Variants in NKX2-1 observed in about 807,000 individuals in gnomAD.
NKX2-1 encodes NK2 homeobox 1, also known as homeobox protein Nkx-2.1.
NKX2-1 carries 9 observed loss-of-function variants against 35.1 expected under a neutral mutation model. The ratio of observed to expected loss-of-function variants is 0.26; its 90% confidence interval spans 0.15 to 0.45. The LOEUF (loss-of-function observed/expected upper bound fraction) is 0.45, where lower values mean the gene tolerates loss of function less well. Among genes scored for constraint, NKX2-1 ranks in the 20% least tolerant of loss-of-function variants. The pLI is 1.00. For missense variants in NKX2-1, 509 were observed against 589.1 expected, an observed-to-expected ratio of 0.86 and a Z score of 1.41; for synonymous variants, 284 against 269.9, an observed-to-expected ratio of 1.05 and a Z score of -0.51.
Position 36,517,594 on chromosome 14 carries a change from C to T in NKX2-1, c.890G>A (p.Gly297Asp), listed in dbSNP as rs866144511. ...RVAVPVLVKD[G>D]KPCQAGAPAP... The stretch of plus-strand genomic sequence containing the variant: ...GGGGGCACCCGCCTGGCACGGTTTG[C>T]CGTCTTTCACCAGGACCGGCACCGC... Residue 297 changes from glycine (G) to aspartate (D), a missense_variant, in exon 3 of 3, where the codon GGC becomes GAC. Physicochemically the swap from Gly to Asp is moderately conservative, Grantham distance 94. This residue lies in a region of NKX2-1 where 212 missense variants were observed against 227.7 expected (regional missense o/e 0.93). Transcript: ENST00000354822. 1 of 1,523,656 alleles carries T rather than the reference C, an allele frequency of 6.6e-7. No individual in the cohort carries two copies. The highest frequency in any genetic ancestry group is 8.8e-7 in the Non-Finnish European group (1 of 1,140,398). The allele number at this position is 1,523,656 out of a possible 1,614,324, so 94.4% of individuals were successfully genotyped here. A position where few individuals can be genotyped will look rare whatever the true frequency, so the allele number is the denominator to read the frequency against.
chr14:36,519,863 G>A (rs1176009968), intron 1 of NKX2-1, among the ~76,000 whole-genome samples, 190 bp downstream of exon 1: 1 of 152,166 alleles, frequency 6.6e-6, no homozygotes, highest in Admixed American at 6.5e-5. Context: ...AACCGAGAGC[G>A]GGGAGGGCAG....
rs754318871 is a variant in NKX2-1 at position 36,517,471 on chromosome 14, C to T, written c.1013G>A (p.Ser338Asn). Residue 338 changes from serine to asparagine, a missense_variant, in exon 3 of 3, where the codon AGC becomes AAC. By Grantham distance (46) the Ser-to-Asn change is conservative. Around this residue, in one of 5 missense-constraint regions of NKX2-1, gnomAD observed 212 missense variants for 227.7 expected, o/e 0.93. Transcript: ENST00000354822. Reference protein sequence around the residue: ...QAAAAAISVGSGGAGLGAHPG... With the variant: ...QAAAAAISVGNGGAGLGAHPG... Reference sequence around the variant, plus strand: ...GTGTGCGCCAAGGCCGGCGCCACCGCTGCCCACGGAGATGGCCGCTGCCGC... The same window carrying T: ...GTGTGCGCCAAGGCCGGCGCCACCGTTGCCCACGGAGATGGCCGCTGCCGC... 3 of 1,403,582 alleles carry T rather than the reference C, an allele frequency of 2.1e-6. No homozygotes were observed. Among genetic ancestry groups the T allele is most frequent in the South Asian group, 1.7e-5 (1 of 60,038 alleles). 86.9% of individuals were successfully genotyped at this position (1,403,582 alleles called of 1,614,324 possible).
In NKX2-1 at chr14:36,517,390, G is replaced by A. The variant is rs556880296; in HGVS notation, c.1094C>T (p.Ala365Val). The A allele has an allele frequency of 2.5e-6, 4 of 1,599,324 alleles. No individual in the cohort carries two copies. The South Asian group carries it at 4.5e-5, about 18-fold the overall frequency. ...GQSPDLAHHAASPAALQGQVS... is the reference protein window; with the variant it reads ...GQSPDLAHHAVSPAALQGQVS... Reference sequence around the variant, plus strand: ...CTGGCCCTGCAGCGCCGCGGGGCTGGCGGCGTGGTGCGCCAGGTCCGGAGA... The same window carrying A: ...CTGGCCCTGCAGCGCCGCGGGGCTGACGGCGTGGTGCGCCAGGTCCGGAGA... The change falls in exon 3 of 3, where the codon GCC (alanine) becomes GTC (valine). Residue 365 changes from alanine (A) to valine (V), a missense_variant. This residue lies in a region of NKX2-1 where 212 missense variants were observed against 227.7 expected (regional missense o/e 0.93). Coordinates refer to ENST00000354822, the MANE Select transcript of NKX2-1 (RefSeq NM_001079668.3).
intron 1 of NKX2-1, chr14:36,519,845 G>A (rs1881265770): frequency 3.9e-6 from 3 of 768,092 alleles, no homozygotes; most frequent in Admixed American, 1.3e-4. Context: ...GGAGGGGAAG[G>A]AGGAGGGAAC....
At chr14:36,519,952 C>A in intron 1 of NKX2-1, 101 bp downstream of exon 1, 1 of 1,544,402 alleles carries the variant, frequency 6.5e-7, no homozygotes, top group South Asian at 1.2e-5. Context: ...AACCAACTTG[C>A]GGAGTTACAA....
chr14:36,519,121 C>A lies in NKX2-1; in HGVS notation c.327G>T (p.Ser109=). ...HMTAAGVPQL[S]HSAVGGYCNG... is the part of the protein sequence containing the mutation. ...TGCAGTAGCCCCCCACGGCGGAGTG[C>A]GAGAGCTGGGGCACCCCCGCCGCCG... Residue 109 remains serine (S), a synonymous_variant, in exon 2 of 3, where the codon TCG becomes TCT. Transcript: ENST00000354822. 1.2e-6 allele frequency: 2 copies of A among 1,605,954 alleles called. No individual in the cohort carries two copies. The highest frequency in any genetic ancestry group is 1.7e-6 in the Non-Finnish European group (2 of 1,179,170).
intron 1 of NKX2-1, among the ~76,000 whole-genome samples, 167 bp downstream of exon 1, chr14:36,519,886 G>A (rs187816600): frequency 5.6e-4 from 86 of 152,274 alleles, no homozygotes; most frequent in African/African-American, 1.6e-3. Context: ...GGTGGGGTGG[G>A]GGAGTAACAG....
Position 36,517,488 on chromosome 14 carries a change from C to G in NKX2-1, c.996G>C (p.Ala332=), listed in dbSNP as rs1170518090. 7 of 1,353,570 alleles carry G rather than the reference C, an allele frequency of 5.2e-6. No individual in the cohort carries two copies. The highest frequency in any genetic ancestry group is 2.7e-4 in the Middle Eastern group (1 of 3,682). The allele number at this position is 1,353,570 out of a possible 1,614,324, so 83.8% of individuals were successfully genotyped here. Residue 332 remains alanine, a synonymous_variant, in exon 3 of 3, where the codon GCG becomes GCC. Transcript: ENST00000354822. ...CGCCACCGCTGCCCACGGAGATGGC[C>G]GCTGCCGCCGCCTGCGCGGCCTGCG... ...HQAQAAQAAA[A]AISVGSGGAG...
chr14:36,517,160 C>T lies in NKX2-1; in HGVS notation c.*118G>A. 1 of 1,485,708 alleles carries T rather than the reference C, an allele frequency of 6.7e-7. No homozygotes were observed. The highest frequency in any genetic ancestry group is 9.0e-7 in the Non-Finnish European group (1 of 1,112,888). The allele number at this position is 1,485,708 out of a possible 1,614,324, so 92.0% of individuals were successfully genotyped here. A position where few individuals can be genotyped will look rare whatever the true frequency, so the allele number is the denominator to read the frequency against. On this transcript the variant is annotated 3_prime_UTR_variant, in exon 3 of 3. Coordinates refer to ENST00000354822, the MANE Select transcript of NKX2-1 (RefSeq NM_001079668.3). ...GTTTTTTTGTTCCTTGGTCTAAACG[C>T]GGCCAGGTTGTTAAGAAAAGTCGAA...
intron 1 of NKX2-1, among the ~76,000 whole-genome samples, 175 bp downstream of exon 1, chr14:36,519,878 T>G: frequency 1.4e-5 from 2 of 145,260 alleles, no homozygotes; most frequent in African/African-American, 2.6e-5. Context: ...GGGCAGGAGG[T>G]GGGGTGGGGG....
At chr14:36,519,702 T>C (rs1452620370) in intron 1 of NKX2-1, 2 of 1,506,032 alleles carry the variant, frequency 1.3e-6, no homozygotes, top group African/African-American at 1.4e-5. Flanking sequence ...AAGTTTCACT[T>C]GTCAGGATTT....
At chr14:36,518,947 C>A (rs764981652) in intron 2 of NKX2-1, 38 bp downstream of exon 2, 1 of 1,513,144 alleles carries the variant, frequency 6.6e-7, no homozygotes, top group Non-Finnish European at 8.8e-7. Flanking sequence ...ACCTCCTGAG[C>A]TCAGCCCGCG....
rs1271885366 is a variant in NKX2-1, at chr14:36,519,232, C to T, written c.216G>A (p.Arg72=). The T allele has an allele frequency of 6.2e-7, 1 of 1,608,438 alleles. No individual in the cohort carries two copies. Among genetic ancestry groups the T allele is most frequent in the Non-Finnish European group, 8.5e-7 (1 of 1,177,870 alleles). ...CTGTTGGCGGTGCCGCCTGGCCCTG[C>T]CTGTACGCCGCCAGCGGAGCCCCGA... The part of the protein sequence containing the change: ...GGLGAPLAAY[R]QGQAAPPTAA... Residue 72 remains arginine, a synonymous_variant, in exon 2 of 3, where the codon AGG becomes AGA. Transcript: ENST00000354822.
rs956667809 is a variant in NKX2-1 at position 36,517,212 on chromosome 14, T to A, written c.*66A>T. 33 of 1,563,882 alleles carry A rather than the reference T, an allele frequency of 2.1e-5. No homozygotes were observed. In the African/African-American group the frequency reaches 3.2e-4, roughly 15 times the overall value. Reference sequence around the variant, plus strand: ...CGCGTGGAGCAGCGGTGGATGGTGGTCTGTGTGGCGGGCAGGAGGGAAGCG... The same window carrying A: ...CGCGTGGAGCAGCGGTGGATGGTGGACTGTGTGGCGGGCAGGAGGGAAGCG... On this transcript the variant is annotated 3_prime_UTR_variant, in exon 3 of 3. Coordinates refer to ENST00000354822, the MANE Select transcript of NKX2-1 (RefSeq NM_001079668.3).
In NKX2-1 at chr14:36,520,154, G is replaced by T; in HGVS notation, c.-25C>A. On this transcript the variant is annotated 5_prime_UTR_variant, in exon 1 of 3. In the 5' UTR this introduces an upstream ATG that the reference lacks. Coordinates refer to ENST00000354822, the MANE Select transcript of NKX2-1 (RefSeq NM_001079668.3). ...TCGGGCTTCGCTGCGCTGAGCCCCAGTCGCCAACAAATGAGCGAGCGAGTC... is the reference window on the plus strand; with the variant it reads ...TCGGGCTTCGCTGCGCTGAGCCCCATTCGCCAACAAATGAGCGAGCGAGTC... 6.2e-7 allele frequency: 1 copy of T among 1,612,060 alleles called. No homozygotes were observed. The highest frequency in any genetic ancestry group is 8.5e-7 in the Non-Finnish European group (1 of 1,179,668).
rs530304913 is a variant in NKX2-1 at position 36,520,131 on chromosome 14, G to C, written c.-2C>G. On this transcript the variant is annotated 5_prime_UTR_variant, in exon 1 of 3. Transcript: ENST00000354822. ...CTTCCCACTGCCTCCGGACCACATC[G>C]GGCTTCGCTGCGCTGAGCCCCAGTC... 1.2e-6 allele frequency: 2 copies of C among 1,612,880 alleles called. No homozygotes were observed. Among genetic ancestry groups the C allele is most frequent in the Middle Eastern group, 1.6e-4 (1 of 6,062 alleles).
intron 1 of NKX2-1, 65 bp downstream of exon 1, chr14:36,519,988 G>C: frequency 6.2e-7 from 1 of 1,603,646 alleles, no homozygotes; most frequent in Non-Finnish European, 8.5e-7. Flanking sequence ...CAATTCGGTC[G>C]GGGTTCCCCG....
chr14:36,518,069 C>A, intron 2 of NKX2-1, 49 bp from the exon 3 acceptor site: 2 of 1,588,442 alleles, frequency 1.3e-6, no homozygotes, highest in South Asian at 1.1e-5. Flanking sequence ...CCGAGCCAGG[C>A]CACCCCTGTT....
In NKX2-1 at chr14:36,519,256, G is replaced by A. The variant is rs752460264; in HGVS notation, c.192C>T (p.Leu64=). The A allele has an allele frequency of 2.7e-5, 43 of 1,610,188 alleles. No individual in the cohort carries two copies. Among genetic ancestry groups the A allele is most frequent in the Non-Finnish European group, 3.4e-5 (40 of 1,178,864 alleles). Residue 64 remains leucine (L), a synonymous_variant, in exon 2 of 3, where the codon CTC becomes CTT. Transcript: ENST00000354822. ...YKKVGMEGGG[L]GAPLAAYRQG... is the part of the protein sequence containing the mutation. Reference sequence around the variant, plus strand: ...GCCTGTACGCCGCCAGCGGAGCCCCGAGGCCGCCGCCCTCCATGCCCACTT... The same window carrying A: ...GCCTGTACGCCGCCAGCGGAGCCCCAAGGCCGCCGCCCTCCATGCCCACTT...
Sources: gnomAD v4.1 joint callset for allele counts (sites outside exome capture counted in the v4.1 genomes callset) on GRCh38, gnomAD v4.1.1 for gene constraint, gnomAD v4.1.1 regional missense constraint, MANE v1.5 for transcripts, NCBI Gene and HGNC (gene_info 2026-07-23, HGNC 2026-07-21) for gene names.